The following MYOC variants were observed in gnomAD, a reference collection of about 807,000 sequenced individuals.
MYOC encodes myocilin.
Under a neutral mutation model 28.2 loss-of-function variants are expected in MYOC, and 29 were observed. The observed-to-expected ratio is 1.03, with a 90% confidence interval of 0.77 to 1.40. The LOEUF is 1.40. Among genes scored for constraint, MYOC ranks in the 40% most tolerant of loss-of-function variants. The pLI, the probability that MYOC is intolerant of heterozygous loss-of-function variation, is 0.00. For missense variants in MYOC, 569 were observed against 620.6 expected, an observed-to-expected ratio of 0.92 and a Z score of 0.88; for synonymous variants, 240 against 245.6, an observed-to-expected ratio of 0.98 and a Z score of 0.21.
At chr1:171,650,057 T>A (rs1327735974) in intron 1 of MYOC, among the ~76,000 whole-genome samples, 4 of 152,160 alleles carry the variant, frequency 2.6e-5, no homozygotes, top group Non-Finnish European at 4.4e-5. Flanking sequence ...TATAATGGGA[T>A]GTTGCCCTTA....
At chr1:171,637,714 G>A (rs1007275815) in intron 2 of MYOC, among the ~76,000 whole-genome samples, 1 of 151,878 alleles carries the variant, frequency 6.6e-6, no homozygotes, top group South Asian at 2.1e-4. Flanking sequence ...CTGGGTTCAA[G>A]CAATTTTCCT....
chr1:171,636,728 A>G lies in MYOC; in HGVS notation c.731-19T>C. 1 of 1,598,860 alleles carries G rather than the reference A, an allele frequency of 6.3e-7. No individual in the cohort carries two copies. The highest frequency in any genetic ancestry group is 1.1e-5 in the South Asian group (1 of 91,050). ...CCACATCCTGGTAAATTCAGAAAAG[A>G]AAACGAAGCACCACTTAATCCATAA... On this transcript the variant is annotated intron_variant, in intron 2 of 2. Transcript: ENST00000037502.
chr1:171,650,756 GATTCACCAGTTTGTA>G lies in MYOC; in HGVS notation c.604+1237_604+1251del, dbSNP rs1653333981. Among the ~76,000 whole-genome samples, 3 of 152,248 alleles carry G rather than the reference GATTCACCAGTTTGTA, an allele frequency of 2.0e-5. No homozygotes were observed. The East Asian group carries it at 5.8e-4, about 29-fold the overall frequency. On this transcript the variant is annotated intron_variant, in intron 1 of 2. Coordinates refer to ENST00000037502, the MANE Select transcript of MYOC (RefSeq NM_000261.2). ...GTACAATAAGCTCCCCATATACTTA[GATTCACCAGTTTGTA>G]ATTCACCAGTTATTAATATTTTGCC...
In MYOC at chr1:171,636,120, G is replaced by A; in HGVS notation, c.1320C>T (p.Ser440=). 3.1e-6 allele frequency: 5 copies of A among 1,614,202 alleles called. No individual in the cohort carries two copies. The highest frequency in any genetic ancestry group is 4.2e-6 in the Non-Finnish European group (5 of 1,180,036). ...FIICGTLYTV[S]SYTSADATVN... is the part of the protein sequence containing the mutation. Reference sequence around the variant, plus strand: ...CGGTAGCATCTGCTGAGGTGTAGCTGCTGACGGTGTACAAGGTGCCACAGA... The same window carrying A: ...CGGTAGCATCTGCTGAGGTGTAGCTACTGACGGTGTACAAGGTGCCACAGA... The change falls in exon 3 of 3, where the codon AGC becomes AGT. Residue 440 remains serine (S), a synonymous_variant. Coordinates refer to ENST00000037502, the MANE Select transcript of MYOC (RefSeq NM_000261.2).
rs765809047 is a variant in MYOC, at chr1:171,636,255, A to G, written c.1185T>C (p.Asp395=). The change falls in exon 3 of 3, where the codon GAT becomes GAC. Residue 395 remains aspartate (D), a synonymous_variant. Transcript: ENST00000037502. ...AGAGGACAATGGCACCTTTGGCCTC[A>G]TCGGTGCTGTAAATGACCCAGAGGC... ...EAGLWVIYST[D]EAKGAIVLSK... is the part of the protein sequence containing the mutation. 3 of 1,614,154 alleles carry G rather than the reference A, an allele frequency of 1.9e-6. No individual in the cohort carries two copies. The highest frequency in any genetic ancestry group is 1.7e-6 in the Non-Finnish European group (2 of 1,180,022).
At chr1:171,639,942 TCAAGAAAA>T in intron 1 of MYOC, among the ~76,000 whole-genome samples, 1 of 30,076 alleles carries the variant, frequency 3.3e-5, no homozygotes, top group Non-Finnish European at 5.8e-5. Context: ...AGACTCTGTC[TCAAGAAAA>T]AAAAAAAAAA....
At chr1:171,640,640 G>C (rs562874660) in intron 1 of MYOC, among the ~76,000 whole-genome samples, 8 of 152,238 alleles carry the variant, frequency 5.3e-5, no homozygotes, top group African/African-American at 1.7e-4. Context: ...AGGCTGAGGT[G>C]GGAGGATCAC....
intron 1 of MYOC, among the ~76,000 whole-genome samples, chr1:171,640,342 G>A (rs1027369403): frequency 2.0e-5 from 3 of 152,114 alleles, no homozygotes; most frequent in African/African-American, 4.8e-5. Flanking sequence ...TGATCATGGT[G>A]TGCTACATGT....
intron 1 of MYOC, 148 bp downstream of exon 1, chr1:171,651,860 C>T (rs1057118778): frequency 1.9e-5 from 22 of 1,154,282 alleles, no homozygotes; most frequent in Middle Eastern, 2.0e-4. Flanking sequence ...TGAAGGTGAT[C>T]GCTGTGCTTT....
intron 2 of MYOC, among the ~76,000 whole-genome samples, chr1:171,638,268 T>G (rs1369799277): frequency 6.6e-6 from 1 of 152,148 alleles, no homozygotes; most frequent in Non-Finnish European, 1.5e-5. Context: ...AAATGTAACT[T>G]CTCAAGTATA....
chr1:171,649,988 A>C (rs1249826985), intron 1 of MYOC, among the ~76,000 whole-genome samples: 1 of 152,110 alleles, frequency 6.6e-6, no homozygotes, highest in Non-Finnish European at 1.5e-5. Flanking sequence ...TACTAATGTA[A>C]TTTCCTGCTC....
chr1:171,644,528 C>T lies in MYOC; in HGVS notation c.605-5806G>A, dbSNP rs181913525. ...AGTCAGGCATTTTCACAGATGACTT[C>T]CTTGTGGATAGCTAAAGTATGTACT... On this transcript the variant is annotated intron_variant, in intron 1 of 2. Transcript: ENST00000037502. Among the ~76,000 whole-genome samples, 540 of 151,208 alleles carry T rather than the reference C, an allele frequency of 3.6e-3. 1 individual carries two copies. The highest frequency in any genetic ancestry group is 5.7e-3 in the Non-Finnish European group (390 of 67,932).
intron 1 of MYOC, among the ~76,000 whole-genome samples, chr1:171,640,488 CT>C (rs1307887498): frequency 1.3e-5 from 2 of 152,206 alleles, no homozygotes; most frequent in African/African-American, 4.8e-5. Flanking sequence ...AATCCCAGCA[CT>C]TTGGGAAGCC....
chr1:171,638,709 A>G lies in MYOC; in HGVS notation c.618T>C (p.Asn206=). 1 of 1,614,140 alleles carries G rather than the reference A, an allele frequency of 6.2e-7. No homozygotes were observed. The highest frequency in any genetic ancestry group is 8.5e-7 in the Non-Finnish European group (1 of 1,180,000). ...GTTCCTGGAAGGCCAAAGTGTCCAAATTCCACGTAGAAACTGCATTAAAAG... is the reference window on the plus strand; with the variant it reads ...GTTCCTGGAAGGCCAAAGTGTCCAAGTTCCACGTAGAAACTGCATTAAAAG... ...PPGSREVSTW[N]LDTLAFQELK... Residue 206 remains asparagine, a synonymous_variant, in exon 2 of 3, where the codon AAT becomes AAC. Coordinates refer to ENST00000037502, the MANE Select transcript of MYOC (RefSeq NM_000261.2).
intron 1 of MYOC, among the ~76,000 whole-genome samples, chr1:171,644,616 C>T (rs235875): frequency 0.17 from 23,690 of 141,240 alleles, 2,399 homozygotes; most frequent in East Asian, 0.33. Flanking sequence ...GATGGTTTGT[C>T]GGCATTTATA....
intron 1 of MYOC, 101 bp downstream of exon 1, chr1:171,651,907 C>G: frequency 6.5e-7 from 1 of 1,540,062 alleles, no homozygotes; most frequent in African/African-American, 1.4e-5. Context: ...TGTGCAGTCT[C>G]TAGGAGAAAG....
chr1:171,645,124 G>C (rs1306651785), intron 1 of MYOC, among the ~76,000 whole-genome samples: 1 of 152,180 alleles, frequency 6.6e-6, no homozygotes, highest in South Asian at 2.1e-4. Context: ...GACATCGTGG[G>C]AGGAAAAAGG....
chr1:171,648,340 C>T (rs2102949591), intron 1 of MYOC, among the ~76,000 whole-genome samples: 1 of 152,276 alleles, frequency 6.6e-6, no homozygotes, highest in East Asian at 1.9e-4. Context: ...TCTACACAGC[C>T]CCTCTGAAGG....
rs1652896461 is a variant in MYOC at position 171,635,441 on chromosome 1, A to C, written c.*484T>G. 1 of 218,650 alleles carries C rather than the reference A, an allele frequency of 4.6e-6. No individual in the cohort carries two copies. The highest frequency in any genetic ancestry group is 5.1e-5 in the Admixed American group (1 of 19,702). The allele number at this position is 218,650 out of a possible 1,614,324, so 13.5% of individuals were successfully genotyped here. ...GTTGGGTAAGAAAATTTTATTTCAC[A>C]ATGTAAAGGGTTATGTGAGACCCAA... is the stretch of plus-strand genomic sequence containing the variant. On this transcript the variant is annotated 3_prime_UTR_variant, in exon 3 of 3. Transcript: ENST00000037502.
Sources: gnomAD v4.1 joint callset for allele counts (sites outside exome capture counted in the v4.1 genomes callset) on GRCh38, gnomAD v4.1.1 for gene constraint, MANE v1.5 for transcripts, NCBI Gene and HGNC (gene_info 2026-07-23, HGNC 2026-07-21) for gene names.